Variants in BACH2 observed in about 807,000 individuals in gnomAD.
BACH2 encodes the protein BACH transcriptional regulator 2, also known as transcription regulator protein BACH2.
In BACH2, 5 loss-of-function variants were observed where a neutral mutation model predicts 61.8. The ratio of observed to expected loss-of-function variants is 0.08; its 90% CI spans 0.04 to 0.17. The LOEUF (loss-of-function observed/expected upper bound fraction) is 0.17. BACH2 is among the 10% of genes least tolerant of loss of function. The probability of loss-of-function intolerance (pLI) is 1.00; values close to 1 mark genes in which losing one functional copy is unlikely to be tolerated. For missense variants in BACH2, 824 were observed against 1,091.1 expected, an observed-to-expected ratio of 0.76 and a Z score of 3.45; for synonymous variants, 446 against 440.1, an observed-to-expected ratio of 1.01 and a Z score of -0.17.
chr6:90,104,892 C>A (rs1782832876), intron 4 of BACH2, among the ~76,000 whole-genome samples: 1 of 152,182 alleles, frequency 6.6e-6, no homozygotes, highest in Non-Finnish European at 1.5e-5. Context: ...CCCATACTAC[C>A]ATGTTCCCAT....
chr6:90,199,016 G>A (rs1330056835), intron 4 of BACH2, among the ~76,000 whole-genome samples: 1 of 152,212 alleles, frequency 6.6e-6, no homozygotes, highest in Admixed American at 6.5e-5. Context: ...TGCAAGATGT[G>A]ACTTTGACTT....
At chr6:90,121,176 A>G (rs1233828392) in intron 4 of BACH2, among the ~76,000 whole-genome samples, 5 of 152,260 alleles carry the variant, frequency 3.3e-5, no homozygotes, top group Non-Finnish European at 4.4e-5. Flanking sequence ...AAACTCGAAG[A>G]AAAGGCCTCG....
intron 1 of BACH2, among the ~76,000 whole-genome samples, chr6:90,289,321 C>A (rs1460340954): frequency 6.6e-6 from 1 of 152,178 alleles, no homozygotes; most frequent in Non-Finnish European, 1.5e-5. Context: ...AGCTGAGCGA[C>A]ACCTATGCTG....
chr6:89,947,983 C>G (rs1562315639), intron 7 of BACH2, among the ~76,000 whole-genome samples: 1 of 152,070 alleles, frequency 6.6e-6, no homozygotes, highest in Non-Finnish European at 1.5e-5. Flanking sequence ...ATGAGTCCTC[C>G]TTTTAATTGA....
intron 5 of BACH2, among the ~76,000 whole-genome samples, chr6:90,009,723 G>T (rs1210603866): frequency 6.6e-6 from 1 of 152,198 alleles, no homozygotes; most frequent in Non-Finnish European, 1.5e-5. Context: ...AAGTGCAATG[G>T]TGCGATTCTC....
intron 4 of BACH2, among the ~76,000 whole-genome samples, chr6:90,149,843 T>C (rs1232428423): frequency 6.6e-6 from 1 of 152,198 alleles, no homozygotes; most frequent in African/African-American, 2.4e-5. Flanking sequence ...GCATTAACAG[T>C]GAGCTGCTGC....
intron 3 of BACH2, among the ~76,000 whole-genome samples, chr6:90,239,753 A>C (rs1237856891): frequency 6.7e-6 from 1 of 149,210 alleles, no homozygotes; most frequent in Non-Finnish European, 1.5e-5. Context: ...GTTTTCCCCA[A>C]GCTCAGCACT....
At chr6:89,992,553 T>C (rs1272034909) in intron 6 of BACH2, among the ~76,000 whole-genome samples, 2 of 152,106 alleles carry the variant, frequency 1.3e-5, no homozygotes, top group Non-Finnish European at 2.9e-5. Flanking sequence ...GGCAGAAGAA[T>C]ATCACCTGAA....
chr6:89,971,811 C>T (rs762250339), intron 6 of BACH2, among the ~76,000 whole-genome samples: 3 of 152,222 alleles, frequency 2.0e-5, no homozygotes, highest in Admixed American at 6.5e-5. Flanking sequence ...ACCAGGAGAA[C>T]AGTATGGGGG....
At chr6:90,063,554 G>GT (rs1418592334) in intron 5 of BACH2, among the ~76,000 whole-genome samples, 6 of 152,284 alleles carry the variant, frequency 3.9e-5, no homozygotes, top group Admixed American at 3.9e-4. Flanking sequence ...TGACTTACAG[G>GT]TTTTGATACC....
At chr6:90,069,907 C>T (rs1781144844) in intron 5 of BACH2, among the ~76,000 whole-genome samples, 1 of 152,044 alleles carries the variant, frequency 6.6e-6, no homozygotes, top group Admixed American at 6.5e-5. Flanking sequence ...GAGGTCAGGT[C>T]TGGGGGCAGG....
At chr6:90,059,167 T>G (rs1780541797) in intron 5 of BACH2, among the ~76,000 whole-genome samples, 1 of 152,220 alleles carries the variant, frequency 6.6e-6, no homozygotes, top group Non-Finnish European at 1.5e-5. Context: ...CAAAAGAAAC[T>G]ACCATCAGAG....
chr6:90,106,877 G>A (rs1229399284), intron 4 of BACH2, among the ~76,000 whole-genome samples: 1 of 152,196 alleles, frequency 6.6e-6, no homozygotes, highest in South Asian at 2.1e-4. Context: ...AGGGCAACCA[G>A]AGGAAGGATA....
intron 6 of BACH2, among the ~76,000 whole-genome samples, chr6:89,955,474 T>C (rs1307257936): frequency 6.6e-6 from 1 of 152,178 alleles, no homozygotes; most frequent in Non-Finnish European, 1.5e-5. Context: ...TTGAACACTT[T>C]TATCAGCACG....
intron 4 of BACH2, among the ~76,000 whole-genome samples, chr6:90,126,604 T>C (rs1443482577): frequency 1.3e-5 from 2 of 152,200 alleles, no homozygotes; most frequent in African/African-American, 4.8e-5. Flanking sequence ...AAAGTTCAAT[T>C]AAATATTCAA....
intron 5 of BACH2, among the ~76,000 whole-genome samples, chr6:90,036,428 T>G (rs1479911585): frequency 6.6e-6 from 1 of 152,116 alleles, no homozygotes; most frequent in Non-Finnish European, 1.5e-5. Flanking sequence ...GGTCCCACAT[T>G]TGCAAGGTCC....
chr6:90,227,562 C>A (rs1769957777), intron 3 of BACH2, among the ~76,000 whole-genome samples: 1 of 152,210 alleles, frequency 6.6e-6, no homozygotes, highest in Admixed American at 6.5e-5. Context: ...AAAAGAGAGG[C>A]ATCCTAACCC....
chr6:90,029,589 C>G (rs534748734), intron 5 of BACH2, among the ~76,000 whole-genome samples: 1 of 152,146 alleles, frequency 6.6e-6, no homozygotes, highest in Non-Finnish European at 1.5e-5. Context: ...CTATTGAGGG[C>G]AGGAATTTTT....
At chr6:90,125,541 C>T (rs555300300) in intron 4 of BACH2, among the ~76,000 whole-genome samples, 2 of 152,330 alleles carry the variant, frequency 1.3e-5, no homozygotes, top group Admixed American at 6.5e-5. Flanking sequence ...CCTCTCCAAA[C>T]GTTCACATCT....
Sources: allele counts gnomAD v4.1 joint callset (sites outside exome capture counted in the v4.1 genomes callset), GRCh38; gene constraint gnomAD v4.1.1; transcripts MANE v1.5; gene names NCBI Gene and HGNC (gene_info 2026-07-23, HGNC 2026-07-21).